Variants in LMLN observed in about 807,000 individuals in gnomAD.
LMLN encodes leishmanolysin-like peptidase.
In LMLN, 70 loss-of-function variants were observed where a neutral mutation model predicts 92.3. The observed-to-expected ratio is 0.76, with a 90% CI of 0.63 to 0.92. LMLN has a LOEUF of 0.92. Ranked by LOEUF, LMLN falls within the 40% of genes least tolerant of loss-of-function variation. The pLI is 0.00. For missense variants in LMLN, 691 were observed against 814.6 expected (o/e 0.85, Z 1.85); for synonymous variants, 308 against 296.2 (o/e 1.04, Z -0.41).
intron 8 of LMLN, among the ~76,000 whole-genome samples, chr3:197,990,118 A>G (rs1721822966): frequency 6.6e-6 from 1 of 151,684 alleles, no homozygotes; most frequent in African/African-American, 2.4e-5. Context: ...TCTGGAGTGC[A>G]GTGGCACGAA....
At chr3:198,012,843 A>G (rs1317940592) in intron 11 of LMLN, among the ~76,000 whole-genome samples, 1 of 145,718 alleles carries the variant, frequency 6.9e-6, no homozygotes, top group African/African-American at 2.7e-5. Flanking sequence ...CACCCTTCAG[A>G]GTCCCCTAAC....
At chr3:197,971,944 CTTTTT>C (rs756710031) in intron 1 of LMLN, among the ~76,000 whole-genome samples, 1,691 of 81,220 alleles carry the variant, frequency 0.021, 16 homozygotes, top group African/African-American at 0.07. Context: ...AGTCTCTGTT[CTTTTT>C]TTTTTTTTTT....
At chr3:197,965,219 G>A (rs1418616884) in intron 1 of LMLN, among the ~76,000 whole-genome samples, 3 of 151,958 alleles carry the variant, frequency 2.0e-5, no homozygotes, top group African/African-American at 7.2e-5. Context: ...GAGTCTTGCT[G>A]TGTTGCCCAG....
At chr3:197,965,776 TG>T (rs758733122) in intron 1 of LMLN, among the ~76,000 whole-genome samples, 23 of 152,102 alleles carry the variant, frequency 1.5e-4, no homozygotes, top group Non-Finnish European at 3.1e-4. Context: ...TAGTTGGGTG[TG>T]GTGTTGTACA....
At chr3:198,040,250 C>T (rs1403387716) in exon 16 of LMLN, 1 of 152,174 alleles carries the variant, frequency 6.6e-6, no homozygotes, top group East Asian at 1.9e-4. Context: ...AAGACTCAGT[C>T]CACAGAAGCT....
At chr3:198,011,313 C>T (rs1722431710) in intron 11 of LMLN, among the ~76,000 whole-genome samples, 1 of 152,054 alleles carries the variant, frequency 6.6e-6, no homozygotes, top group African/African-American at 2.4e-5. Context: ...GTGATGTTCC[C>T]CTTCCTGTGT....
intron 14 of LMLN, among the ~76,000 whole-genome samples, chr3:198,032,062 A>G (rs544441409): frequency 1.3e-5 from 2 of 150,526 alleles, no homozygotes; most frequent in African/African-American, 4.9e-5. Context: ...AGATGACACT[A>G]TTGTACCACA....
intron 3 of LMLN, 25 bp from the exon 4 acceptor site, chr3:197,976,004 C>CTT: frequency 2.9e-5 from 31 of 1,083,756 alleles, no homozygotes; most frequent in African/African-American, 3.3e-5. Flanking sequence ...AATTCTGTTT[C>CTT]TTTTTTTTTT....
rs2109943281 is a variant in LMLN, at chr3:198,025,544, A to AT, written c.1656+762dup. ...CACCACACACCCGACTAAGTGTTTG[A>AT]TTTTTTGTAGAGAAGAGGTCTCACT... On this transcript the variant is annotated intron_variant, in intron 14 of 15. Transcript: ENST00000330198. The surrounding 1 kb of genome is among the most constrained non-coding windows in gnomAD (Gnocchi z 4.3). Among the ~76,000 whole-genome samples, 1 of 151,938 alleles carries AT rather than the reference A, an allele frequency of 6.6e-6. No homozygotes were observed. The highest frequency in any genetic ancestry group is 2.1e-4 in the South Asian group (1 of 4,810).
chr3:198,037,688 G>A (rs986730741), intron 15 of LMLN, among the ~76,000 whole-genome samples: 1 of 152,088 alleles, frequency 6.6e-6, no homozygotes, highest in Non-Finnish European at 1.5e-5. Flanking sequence ...ATTTAAAAGG[G>A]CAACTCATCC....
chr3:198,038,083 T>C (rs1286597224), intron 15 of LMLN, among the ~76,000 whole-genome samples: 2 of 152,152 alleles, frequency 1.3e-5, no homozygotes, highest in Non-Finnish European at 2.9e-5. Context: ...CTCCTCACAG[T>C]CCGTCTGCCT....
At chr3:198,033,738 T>G (rs1581187165) in intron 14 of LMLN, among the ~76,000 whole-genome samples, 1 of 152,198 alleles carries the variant, frequency 6.6e-6, no homozygotes, top group Non-Finnish European at 1.5e-5. Context: ...CTTTCCTCAA[T>G]TGAAACTGCT....
intron 9 of LMLN, among the ~76,000 whole-genome samples, chr3:197,993,927 A>G (rs1174087682): frequency 6.6e-6 from 1 of 152,210 alleles, no homozygotes; most frequent in African/African-American, 2.4e-5. Context: ...GATGAATGGA[A>G]CAGAATAAAT....
intron 1 of LMLN, among the ~76,000 whole-genome samples, chr3:197,973,759 C>T (rs1292515873): frequency 2.0e-5 from 3 of 152,136 alleles, no homozygotes; most frequent in Non-Finnish European, 2.9e-5. Context: ...TATACATCTG[C>T]AGAAATAGTA....
intron 1 of LMLN, among the ~76,000 whole-genome samples, chr3:197,972,073 A>ATT: frequency 7.2e-6 from 1 of 139,158 alleles, no homozygotes; most frequent in African/African-American, 2.6e-5. Flanking sequence ...TTTCTAGTGA[A>ATT]TTTTTTTTTT....
At chr3:197,994,982 A>G (rs1560143495) in intron 9 of LMLN, among the ~76,000 whole-genome samples, 1 of 152,222 alleles carries the variant, frequency 6.6e-6, no homozygotes, top group Non-Finnish European at 1.5e-5. Flanking sequence ...GAGTGGGTAA[A>G]GAAAGTGTGT....
At chr3:197,977,368 C>T (rs1287014156) in intron 5 of LMLN, among the ~76,000 whole-genome samples, 1 of 152,132 alleles carries the variant, frequency 6.6e-6, no homozygotes, top group African/African-American at 2.4e-5. Flanking sequence ...TCTGGAAGTA[C>T]ACACGTTAAA....
chr3:197,967,458 G>T (rs926748238), intron 1 of LMLN, among the ~76,000 whole-genome samples: 10 of 152,314 alleles, frequency 6.6e-5, no homozygotes, highest in African/African-American at 2.4e-4. Flanking sequence ...CGAAGAGGGA[G>T]TAGGTCACAA....
intron 5 of LMLN, among the ~76,000 whole-genome samples, chr3:197,977,843 A>G (rs1721439723): frequency 6.6e-6 from 1 of 152,152 alleles, no homozygotes; most frequent in Admixed American, 6.6e-5. Context: ...CACACACGTT[A>G]AATCTGGATA....
Sources: allele counts gnomAD v4.1 joint callset (sites outside exome capture counted in the v4.1 genomes callset), GRCh38; gene constraint gnomAD v4.1.1; non-coding constraint Gnocchi (gnomAD v3.1); transcripts MANE v1.5; gene names NCBI Gene and HGNC (gene_info 2026-07-23, HGNC 2026-07-21).